RAP1GAP2: variants seen among roughly 807,000 people sequenced by gnomAD.
The protein encoded by RAP1GAP2 is rap1 GTPase-activating protein 2.
A neutral mutation model predicts 95.0 loss-of-function variants in RAP1GAP2; 27 were observed. That is an observed-to-expected ratio of 0.28 (90% CI 0.21 to 0.39). The LOEUF (loss-of-function observed/expected upper bound fraction) is 0.39, where lower values mean the gene tolerates loss of function less well. Among genes scored for constraint, RAP1GAP2 ranks in the 10% least tolerant of loss-of-function variants. The pLI, the probability that RAP1GAP2 is intolerant of heterozygous loss-of-function variation, is 1.00. For synonymous variants in RAP1GAP2, 373 were observed against 380.9 expected (o/e 0.98, Z 0.24); for missense variants, 771 against 970.0 (o/e 0.79, Z 2.72).
Position 2,991,357 on chromosome 17 carries a change from G to A in RAP1GAP2, c.874G>A (p.Asp292Asn), listed in dbSNP as rs759259612. The change falls in exon 12 of 25, where the codon GAC (aspartate) becomes AAC (asparagine). Residue 292 changes from aspartate (D) to asparagine (N), a missense_variant. Transcript: ENST00000254695. ...EESPAFKEFL[D>N]LLGDTITLQD... ...GAGCCCAGCTTTTAAGGAGTTCTTGGACCTGCTGGGGGACACGATCACACT... is the reference window on the plus strand; with the variant it reads ...GAGCCCAGCTTTTAAGGAGTTCTTGAACCTGCTGGGGGACACGATCACACT... 7 of 1,605,984 alleles carry A rather than the reference G, an allele frequency of 4.4e-6. No homozygotes were observed. The South Asian group carries it at 7.9e-5, about 18-fold the overall frequency.
intron 2 of RAP1GAP2, among the ~76,000 whole-genome samples, chr17:2,851,169 G>C (rs1295969112): frequency 6.6e-6 from 1 of 152,138 alleles, no homozygotes; most frequent in Admixed American, 6.6e-5. Context: ...GGTGGCGTGT[G>C]GCCCAATTGT....
chr17:2,918,803 A>G (rs2042658275), intron 3 of RAP1GAP2, among the ~76,000 whole-genome samples: 1 of 152,140 alleles, frequency 6.6e-6, no homozygotes, highest in Admixed American at 6.6e-5. Context: ...GGGGACACAA[A>G]TCCAAACTAT....
chr17:2,948,110 C>G (rs2043774129), intron 3 of RAP1GAP2, among the ~76,000 whole-genome samples: 1 of 152,204 alleles, frequency 6.6e-6, no homozygotes, highest in South Asian at 2.1e-4. Flanking sequence ...GTGTGCCAGG[C>G]TCTGTACACG....
chr17:2,756,183 C>T (rs1301489917), intron 1 of RAP1GAP2, among the ~76,000 whole-genome samples: 3 of 152,350 alleles, frequency 2.0e-5, no homozygotes, highest in East Asian at 3.9e-4. Flanking sequence ...ACTTGGGCCC[C>T]GAGAAGGCAC....
intron 8 of RAP1GAP2, among the ~76,000 whole-genome samples, chr17:2,974,142 C>T (rs910000189): frequency 6.6e-6 from 1 of 151,042 alleles, no homozygotes; most frequent in African/African-American, 2.4e-5. Flanking sequence ...GAGATCGAGA[C>T]CATCCTGGCT....
chr17:2,800,226 C>G, intron 1 of RAP1GAP2: 2 of 985,256 alleles, frequency 2.0e-6, no homozygotes, highest in Non-Finnish European at 2.4e-6. Context: ...ACGTGAGATA[C>G]CTGAATTCAG....
rs866077207 is a variant in RAP1GAP2, at chr17:2,941,668, G to T, written c.166-16091G>T. Among the ~76,000 whole-genome samples, 436 of 135,924 alleles carry T rather than the reference G, an allele frequency of 3.2e-3. 2 individuals are homozygous for T. Among genetic ancestry groups the T allele is most frequent in the Middle Eastern group, 0.023 (6 of 264 alleles). The allele number at this position is 135,924 out of a possible 152,430, so 89.2% of individuals were successfully genotyped here. The stretch of plus-strand genomic sequence containing the variant: ...TCAAGACATCAGTGATGACTCTTGG[G>T]TTTTTTTTTTTTTTTTGAGACAGAG... On this transcript the variant is annotated intron_variant, in intron 3 of 24. Coordinates refer to ENST00000254695, the MANE Select transcript of RAP1GAP2 (RefSeq NM_015085.5).
intron 24 of RAP1GAP2, 29 bp downstream of exon 24, chr17:3,032,478 C>A: frequency 6.3e-7 from 1 of 1,599,438 alleles, no homozygotes; most frequent in Non-Finnish European, 8.6e-7. Flanking sequence ...CTGCTGTGGC[C>A]GTGAGGGGGG....
intron 2 of RAP1GAP2, among the ~76,000 whole-genome samples, chr17:2,826,735 C>A (rs560710727): frequency 1.3e-5 from 2 of 152,194 alleles, no homozygotes; most frequent in East Asian, 3.9e-4. Flanking sequence ...CGGCCGGGCG[C>A]GGTGGCTCAC....
chr17:2,767,170 T>C (rs771335117), intron 1 of RAP1GAP2, among the ~76,000 whole-genome samples: 2 of 151,634 alleles, frequency 1.3e-5, no homozygotes, highest in African/African-American at 2.4e-5. Context: ...GAGACCAGCC[T>C]GGCCAAGGTG....
rs1480098279 is a variant in RAP1GAP2 at position 2,965,506 on chromosome 17, C to T, written c.493-34C>T. The T allele has an allele frequency of 2.0e-6, 3 of 1,531,322 alleles. No individual in the cohort carries two copies. Among genetic ancestry groups the T allele is most frequent in the Non-Finnish European group, 8.9e-7 (1 of 1,119,562 alleles). 94.9% of individuals were successfully genotyped at this position (1,531,322 alleles called of 1,614,324 possible). A position where few individuals can be genotyped will look rare whatever the true frequency, so the allele number is the denominator to read the frequency against. ...GGGAACATACCTGGAAGGTTTCTTC[C>T]TCCTTCCTGCTCACACTCAGTTTCT... On this transcript the variant is annotated intron_variant, in intron 7 of 24. Transcript: ENST00000254695. The surrounding 1 kb of genome is among the most constrained non-coding windows in gnomAD (Gnocchi z 4.7).
intron 1 of RAP1GAP2, among the ~76,000 whole-genome samples, chr17:2,766,325 G>T (rs1443130919): frequency 1.3e-5 from 2 of 152,136 alleles, no homozygotes; most frequent in Non-Finnish European, 2.9e-5. Context: ...GGGGCCTTTG[G>T]GAGGGAGAGA....
At chr17:2,875,358 C>T (rs960243267) in intron 2 of RAP1GAP2, among the ~76,000 whole-genome samples, 1 of 152,148 alleles carries the variant, frequency 6.6e-6, no homozygotes, top group Non-Finnish European at 1.5e-5. Context: ...TGAGCCACTG[C>T]ACCCGGCCAC....
At chr17:3,015,414 G>A (rs1316987246) in intron 17 of RAP1GAP2, among the ~76,000 whole-genome samples, 1 of 152,148 alleles carries the variant, frequency 6.6e-6, no homozygotes, top group Non-Finnish European at 1.5e-5. Flanking sequence ...CCCTTCCCAA[G>A]CTTGGAGAAA....
At chr17:2,879,353 T>G (rs956424163) in intron 2 of RAP1GAP2, among the ~76,000 whole-genome samples, 5 of 150,904 alleles carry the variant, frequency 3.3e-5, no homozygotes, top group African/African-American at 2.4e-5. Context: ...TGACCTCAAG[T>G]GATCCACCCG....
Position 2,995,402 on chromosome 17 carries a change from G to A in RAP1GAP2, c.980G>A (p.Arg327Gln), listed in dbSNP as rs761922333. Residue 327 changes from arginine to glutamine, a missense_variant, in exon 13 of 25, where the codon CGG becomes CAG. Transcript: ENST00000254695. ...GTGGAATCAGTGTACACAACATTCC[G>A]GGACAGGGAGATCATGTTTCACGTT... is the stretch of plus-strand genomic sequence containing the variant. ...TGVESVYTTF[R>Q]DREIMFHVST... 2.2e-5 allele frequency: 35 copies of A among 1,613,830 alleles called. No individual in the cohort carries two copies. Among genetic ancestry groups the A allele is most frequent in the Non-Finnish European group, 2.9e-5 (34 of 1,179,860 alleles).
intron 2 of RAP1GAP2, among the ~76,000 whole-genome samples, chr17:2,889,883 A>ATTTT (rs1377987168): frequency 4.3e-5 from 3 of 69,708 alleles, no homozygotes; most frequent in African/African-American, 6.6e-5. Context: ...ATATATATAT[A>ATTTT]TATATATTTT....
intron 2 of RAP1GAP2, among the ~76,000 whole-genome samples, chr17:2,815,951 A>G (rs575638992): frequency 2.0e-5 from 3 of 152,352 alleles, no homozygotes; most frequent in Admixed American, 1.3e-4. Flanking sequence ...GCGTGGACGC[A>G]GTCACTGGCT....
At chr17:3,013,632 C>CTTTTTTTTT (rs998163717) in intron 17 of RAP1GAP2, among the ~76,000 whole-genome samples, 10 of 78,848 alleles carry the variant, frequency 1.3e-4, no homozygotes, top group African/African-American at 2.2e-4. Flanking sequence ...CTTTTCTTTT[C>CTTTTTTTTT]TTTTTTTTTT....
Sources: gnomAD v4.1 joint callset for allele counts (sites outside exome capture counted in the v4.1 genomes callset) on GRCh38, gnomAD v4.1.1 for gene constraint, Gnocchi (gnomAD v3.1) non-coding constraint, MANE v1.5 for transcripts, NCBI Gene and HGNC (gene_info 2026-07-23, HGNC 2026-07-21) for gene names.